Variants in KALRN observed in about 807,000 individuals in gnomAD.
The protein encoded by KALRN is kalirin.
A neutral mutation model predicts 353.7 loss-of-function variants in KALRN; 70 were observed. That is an observed-to-expected ratio of 0.20 (90% CI 0.16 to 0.24). The LOEUF is 0.24. KALRN is among the 10% of genes least tolerant of loss of function. KALRN has a pLI of 1.00. For missense variants in KALRN, 2,791 were observed against 3,756.7 expected (o/e 0.74, Z 6.72); for synonymous variants, 1,391 against 1,434.8 (o/e 0.97, Z 0.69).
At chr3:124,165,508 A>G (rs1024818995) in intron 1 of KALRN, among the ~76,000 whole-genome samples, 4 of 152,154 alleles carry the variant, frequency 2.6e-5, no homozygotes, top group African/African-American at 9.6e-5. Context: ...ATCCACCTCC[A>G]TAGCAACCAC....
intron 33 of KALRN, among the ~76,000 whole-genome samples, chr3:124,535,438 G>T (rs1380908842): frequency 6.6e-6 from 1 of 152,152 alleles, no homozygotes; most frequent in Non-Finnish European, 1.5e-5. Flanking sequence ...AGCACAACCT[G>T]ATATGAAAAC....
chr3:124,693,419 G>C (rs1578985877), intron 51 of KALRN, among the ~76,000 whole-genome samples: 1 of 152,292 alleles, frequency 6.6e-6, no homozygotes, highest in East Asian at 1.9e-4. Context: ...ATGCTAGGAA[G>C]AATCAGTGCC....
chr3:124,686,400 T>C (rs1055579869), intron 51 of KALRN, among the ~76,000 whole-genome samples: 2 of 152,222 alleles, frequency 1.3e-5, no homozygotes, highest in Admixed American at 1.3e-4. Flanking sequence ...GACTGTGTAT[T>C]CTTAGGTAGC....
At chr3:124,418,886 C>T (rs914593926) in intron 14 of KALRN, among the ~76,000 whole-genome samples, 2 of 151,964 alleles carry the variant, frequency 1.3e-5, no homozygotes, top group Non-Finnish European at 2.9e-5. Context: ...GGGTCCCAGC[C>T]GCAGAGATTC....
chr3:124,368,340 T>C (rs1337175836), intron 10 of KALRN, among the ~76,000 whole-genome samples: 2 of 133,506 alleles, frequency 1.5e-5, no homozygotes, highest in Non-Finnish European at 1.6e-5. Context: ...TCCTCATTTC[T>C]CAGACGGGGC....
At chr3:124,104,749 A>G (rs1236959020) in intron 1 of KALRN, among the ~76,000 whole-genome samples, 1 of 152,230 alleles carries the variant, frequency 6.6e-6, no homozygotes, top group Non-Finnish European at 1.5e-5. Flanking sequence ...CTAGGCTTGC[A>G]TAGGATCACA....
rs552880241 is a variant in KALRN at position 124,291,722 on chromosome 3, G to A, written c.970-7069G>A. On this transcript the variant is annotated intron_variant, in intron 5 of 59. Transcript: ENST00000682506. ...AGTGAGATGTTTGGCATCCTGGCCAGTTACTGAGGATACAGTGAAAGTGTC... is the reference window on the plus strand; with the variant it reads ...AGTGAGATGTTTGGCATCCTGGCCAATTACTGAGGATACAGTGAAAGTGTC... Among the ~76,000 whole-genome samples, 6 of 152,316 alleles carry A rather than the reference G, an allele frequency of 3.9e-5. No individual in the cohort carries two copies. The East Asian group carries it at 1.2e-3, about 29-fold the overall frequency.
At position 124,460,975 on chromosome 3, in the gene KALRN, C is replaced by T. The variant is rs925381416; in HGVS notation, c.3855-915C>T. 3.3e-5 allele frequency among the ~76,000 whole-genome samples: 5 copies of T among 152,098 alleles called. No individual in the cohort carries two copies. In the South Asian group the frequency reaches 1.0e-3, roughly 32 times the overall value. On this transcript the variant is annotated intron_variant, in intron 23 of 59. Coordinates refer to ENST00000682506, the MANE Select transcript of KALRN (RefSeq NM_001388419.1). ...AATTTATACTGTGCTTATGGTTGCACGTTCAGTTTTCTACACATCCGTTTA... is the reference window on the plus strand; with the variant it reads ...AATTTATACTGTGCTTATGGTTGCATGTTCAGTTTTCTACACATCCGTTTA...
At chr3:124,711,062 A>T (rs563734812) in intron 57 of KALRN, among the ~76,000 whole-genome samples, 6 of 152,344 alleles carry the variant, frequency 3.9e-5, no homozygotes, top group African/African-American at 1.4e-4. Flanking sequence ...TTAATTTATG[A>T]TGTGAAACAA....
rs149447051 is a variant in KALRN at position 124,172,401 on chromosome 3, T to C, written c.74-55589T>C. On this transcript the variant is annotated intron_variant, in intron 1 of 59. Transcript: ENST00000682506. Reference sequence around the variant, plus strand: ...GAGTTTAAGAAAACCAGCCAGAAAGTCTGCTCCAGATAACAAGAAATTCTG... The same window carrying C: ...GAGTTTAAGAAAACCAGCCAGAAAGCCTGCTCCAGATAACAAGAAATTCTG... Among the ~76,000 whole-genome samples the C allele has an allele frequency of 3.3e-5, 5 of 152,206 alleles. No homozygotes were observed. In the East Asian group the frequency reaches 9.7e-4, roughly 30 times the overall value.
chr3:124,389,823 A>G (rs2089048402), intron 11 of KALRN, among the ~76,000 whole-genome samples: 1 of 152,218 alleles, frequency 6.6e-6, no homozygotes. Context: ...GATATGGGAG[A>G]TTTAATTTTT....
At chr3:124,192,190 T>C (rs1041670923) in intron 1 of KALRN, among the ~76,000 whole-genome samples, 3 of 152,220 alleles carry the variant, frequency 2.0e-5, no homozygotes, top group African/African-American at 4.8e-5. Flanking sequence ...TGAGCCCTAA[T>C]CTGATATGAT....
At position 124,094,560 on chromosome 3, in the gene KALRN, G is replaced by A. The variant is rs2061313014; in HGVS notation, c.73+60747G>A. 3.4e-5 allele frequency: 17 copies of A among 499,044 alleles called. No individual in the cohort carries two copies. In the South Asian group the frequency reaches 4.0e-4, roughly 12 times the overall value. The allele number at this position is 499,044 out of a possible 1,614,324, so 30.9% of individuals were successfully genotyped here. On this transcript the variant is annotated intron_variant, in intron 1 of 59. Coordinates refer to ENST00000682506, the MANE Select transcript of KALRN (RefSeq NM_001388419.1). ...TCGCGTCTTTGCGAAAACCCTTCCT[G>A]ACTCCCTCCCACGCATCTCCGACCT...
intron 1 of KALRN, among the ~76,000 whole-genome samples, chr3:124,036,432 T>C (rs1179603815): frequency 6.6e-6 from 1 of 151,944 alleles, no homozygotes; most frequent in East Asian, 1.9e-4. Context: ...TTCCATGATG[T>C]ACATGTACCA....
chr3:124,184,737 G>A (rs1413273826), intron 1 of KALRN, among the ~76,000 whole-genome samples: 1 of 152,098 alleles, frequency 6.6e-6, no homozygotes, highest in Non-Finnish European at 1.5e-5. Context: ...ATACCCAGAA[G>A]GCTGGAACTA....
At chr3:124,163,333 G>A (rs1372187288) in intron 1 of KALRN, 1 of 152,374 alleles carries the variant, frequency 6.6e-6, no homozygotes, top group Non-Finnish European at 1.5e-5. Context: ...AGGAGCCATG[G>A]ATTCCATGAT....
intron 3 of KALRN, among the ~76,000 whole-genome samples, chr3:124,238,222 G>A (rs2080025148): frequency 6.6e-6 from 1 of 150,944 alleles, no homozygotes; most frequent in East Asian, 2.0e-4. Context: ...TTGCTGGCAG[G>A]CATGAAGATG....
intron 3 of KALRN, among the ~76,000 whole-genome samples, chr3:124,248,525 C>T (rs2070671896): frequency 6.6e-6 from 1 of 152,164 alleles, no homozygotes; most frequent in Admixed American, 6.5e-5. Flanking sequence ...CTAAATTAAG[C>T]AAGTATGACA....
chr3:124,410,226 A>G (rs2092020042), intron 13 of KALRN: 2 of 532,996 alleles, frequency 3.8e-6, no homozygotes, highest in African/African-American at 1.9e-5. Context: ...GGCACCTTCC[A>G]CTCCATAGAT....
Sources: gnomAD v4.1 joint callset for allele counts (sites outside exome capture counted in the v4.1 genomes callset) on GRCh38, gnomAD v4.1.1 for gene constraint, MANE v1.5 for transcripts, NCBI Gene and HGNC (gene_info 2026-07-23, HGNC 2026-07-21) for gene names.